MDN1: variants seen among roughly 807,000 people sequenced by gnomAD.
MDN1 encodes the protein midasin.
Under a neutral mutation model 669.2 loss-of-function variants are expected in MDN1, and 266 were observed. That is an observed-to-expected ratio of 0.40 (90% CI 0.36 to 0.44). MDN1 has a LOEUF of 0.44. MDN1 is among the 20% of genes least tolerant of loss of function. The probability of loss-of-function intolerance (pLI) is 1.00; values close to 1 mark genes in which losing one functional copy is unlikely to be tolerated. For missense variants in MDN1, 5,940 were observed against 6,754.0 expected (o/e 0.88, Z 4.22); for synonymous variants, 2,385 against 2,457.1 (o/e 0.97, Z 0.87).
rs753296500 is a variant in MDN1 at position 89,716,635 on chromosome 6, G to A, written c.6743+15C>T. The A allele has an allele frequency of 2.5e-6, 4 of 1,603,578 alleles. No individual in the cohort carries two copies. Among genetic ancestry groups the A allele is most frequent in the South Asian group, 2.3e-5 (2 of 88,748 alleles). On this transcript the variant is annotated intron_variant, in intron 44 of 101. Coordinates refer to ENST00000369393, the MANE Select transcript of MDN1 (RefSeq NM_014611.3). ...AATTTCAAGTTGGACCACTGATTAG[G>A]CATAAGGTTCTTACTTGCAGAAGTT...
intron 6 of MDN1, 60 bp from the exon 7 acceptor site, chr6:89,789,971 C>A: frequency 6.3e-7 from 1 of 1,593,412 alleles, no homozygotes; most frequent in South Asian, 1.1e-5. Context: ...AATGCTACAT[C>A]CTTTGATTAA....
intron 48 of MDN1, 114 bp from the exon 49 acceptor site, chr6:89,712,370 G>C: frequency 9.1e-7 from 1 of 1,101,662 alleles, no homozygotes; most frequent in Non-Finnish European, 1.3e-6. Context: ...GAGAGAAAAG[G>C]AGAGTCTCCC....
chr6:89,788,189 AC>A (rs1188765753), intron 7 of MDN1, among the ~76,000 whole-genome samples: 1 of 152,160 alleles, frequency 6.6e-6, no homozygotes. Flanking sequence ...ACCAAGCAAG[AC>A]ACAAGAATAC....
intron 40 of MDN1, among the ~76,000 whole-genome samples, chr6:89,720,674 T>C (rs1050568012): frequency 2.0e-5 from 3 of 152,208 alleles, no homozygotes; most frequent in Admixed American, 6.5e-5. Flanking sequence ...ATAATTAATA[T>C]ACTATAAGTG....
At chr6:89,672,913 A>C (rs1810921541) in intron 80 of MDN1, among the ~76,000 whole-genome samples, 1 of 152,260 alleles carries the variant, frequency 6.6e-6, no homozygotes, top group African/African-American at 2.4e-5. Context: ...TAATGTAAAA[A>C]ATATAAAAAT....
At chr6:89,747,599 A>G (rs1403578845) in intron 26 of MDN1, 129 bp from the exon 27 acceptor site, 5 of 1,163,632 alleles carry the variant, frequency 4.3e-6, no homozygotes, top group African/African-American at 1.6e-5. Flanking sequence ...ACTGAATAAG[A>G]TTAATTTTTT....
chr6:89,781,603 G>C lies in MDN1; in HGVS notation c.1450-11C>G. On this transcript the variant is annotated splice_polypyrimidine_tract_variant and intron_variant, in intron 9 of 101. Coordinates refer to ENST00000369393, the MANE Select transcript of MDN1 (RefSeq NM_014611.3). ...TCTGCTCTGAAGAACCTGACAGAGG[G>C]GGAAAAAAAAGAAAATTTAACAGCC... 1.3e-6 allele frequency: 2 copies of C among 1,541,412 alleles called. No individual in the cohort carries two copies. The highest frequency in any genetic ancestry group is 1.7e-6 in the Non-Finnish European group (2 of 1,144,446).
chr6:89,664,742 A>G lies in MDN1; in HGVS notation c.14095-114T>C, dbSNP rs1391353215. 4 of 798,520 alleles carry G rather than the reference A, an allele frequency of 5.0e-6. No individual in the cohort carries two copies. The African/African-American group carries it at 5.3e-5, about 11-fold the overall frequency. The allele number at this position is 798,520 out of a possible 1,614,324, so 49.5% of individuals were successfully genotyped here. A position where few individuals can be genotyped will look rare whatever the true frequency, so the allele number is the denominator to read the frequency against. ...AAAAATATATCTGGGAGAGGAAAAAAAAAGAGAAACAACAGAGACAGCCAC... is the reference window on the plus strand; with the variant it reads ...AAAAATATATCTGGGAGAGGAAAAAGAAAGAGAAACAACAGAGACAGCCAC... On this transcript the variant is annotated intron_variant, in intron 84 of 101. Coordinates refer to ENST00000369393, the MANE Select transcript of MDN1 (RefSeq NM_014611.3).
intron 63 of MDN1, among the ~76,000 whole-genome samples, chr6:89,691,817 G>T (rs1190974995): frequency 5.9e-5 from 9 of 152,124 alleles, no homozygotes; most frequent in Non-Finnish European, 5.9e-5. Context: ...CCCTGGTGGG[G>T]ATTAGAATCT....
At chr6:89,771,079 T>TAC (rs1056367092) in intron 15 of MDN1, among the ~76,000 whole-genome samples, 2 of 152,142 alleles carry the variant, frequency 1.3e-5, no homozygotes, top group African/African-American at 4.8e-5. Context: ...CAAAGCACCA[T>TAC]ACACACTGAT....
rs1816824670 is a variant in MDN1, at chr6:89,749,148, C to CT, written c.3762+74dup. On this transcript the variant is annotated intron_variant, in intron 26 of 101. Transcript: ENST00000369393. ...GGAAAAATACATCAACAGACAGATT[C>CT]TTTTTTCTAACAAAAGAAGCCATGA... 11 of 1,372,608 alleles carry CT rather than the reference C, an allele frequency of 8.0e-6. No individual in the cohort carries two copies. The South Asian group carries it at 1.4e-4, about 17-fold the overall frequency. 85.0% of individuals were successfully genotyped at this position (1,372,608 alleles called of 1,614,324 possible).
rs1240333780 is a variant in MDN1, at chr6:89,799,410, C to A, written c.329+3918G>T. ...TTAGAAATAGTAAAGTTGGGCCGGG[C>A]GCAGTGGCTCACGCCTGCAATCCCA... On this transcript the variant is annotated intron_variant, in intron 2 of 101. Coordinates refer to ENST00000369393, the MANE Select transcript of MDN1 (RefSeq NM_014611.3). 2.6e-5 allele frequency among the ~76,000 whole-genome samples: 4 copies of A among 152,348 alleles called. No individual in the cohort carries two copies. The South Asian group carries it at 6.2e-4, about 24-fold the overall frequency.
At chr6:89,739,455 G>C (rs945483165) in intron 32 of MDN1, among the ~76,000 whole-genome samples, 3 of 152,074 alleles carry the variant, frequency 2.0e-5, no homozygotes, top group African/African-American at 7.2e-5. Flanking sequence ...ATGATACTGA[G>C]GAAACCTAGG....
rs150442288 is a variant in MDN1, at chr6:89,772,704, G to A, written c.1952C>T (p.Ala651Val). 1.9e-6 allele frequency: 3 copies of A among 1,613,708 alleles called. No homozygotes were observed. Among genetic ancestry groups the A allele is most frequent in the Non-Finnish European group, 2.5e-6 (3 of 1,179,878 alleles). ...VHLQREKFTF[A>V]ATRPSSVLIE... ...GAGAACAGAGGACGGCCGTGTAGCA[G>A]CGAAAGTGAACTTCTCCCTGGGAAG... The change falls in exon 14 of 102, where the codon GCT (alanine) becomes GTT (valine). Residue 651 changes from alanine to valine, a missense_variant. Transcript: ENST00000369393.
At chr6:89,688,923 A>C in intron 65 of MDN1, 115 bp from the exon 66 acceptor site, 1 of 839,512 alleles carries the variant, frequency 1.2e-6, no homozygotes, top group South Asian at 1.7e-5. Context: ...TAATCCCAGC[A>C]CTTTGGGGAG....
chr6:89,675,604 T>C (rs1265247066), intron 77 of MDN1, 25 bp from the exon 78 acceptor site: 9 of 1,595,740 alleles, frequency 5.6e-6, no homozygotes, highest in Non-Finnish European at 7.7e-6. Context: ...AAAAACATGC[T>C]GAAGGGGCTG....
Position 89,661,432 on chromosome 6 carries a change from T to A in MDN1, c.14712A>T (p.Glu4904Asp). ...TCTCTTTGTTTCTGAAAGACGCACC[T>A]TCTCCTTCTTCATTGTCGGTGTCCT... ...GGEDTDNEEGEEENPLEIKEK... is the reference protein window; with the variant it reads ...GGEDTDNEEGDEENPLEIKEK... The change falls in exon 88 of 102, where the codon GAA becomes GAT. Residue 4904 changes from glutamate to aspartate, a missense_variant and splice_region_variant. Physicochemically the swap from Glu to Asp is conservative, Grantham distance 45. This residue lies in a region of MDN1 where 2,280 missense variants were observed against 2,576.3 expected (regional missense o/e 0.88). Transcript: ENST00000369393. The A allele has an allele frequency of 1.2e-6, 2 of 1,610,944 alleles. No individual in the cohort carries two copies. The highest frequency in any genetic ancestry group is 2.2e-5 in the South Asian group (2 of 90,246).
intron 40 of MDN1, among the ~76,000 whole-genome samples, chr6:89,722,028 C>A (rs1471701720): frequency 6.6e-6 from 1 of 152,164 alleles, no homozygotes; most frequent in Non-Finnish European, 1.5e-5. Flanking sequence ...GCTCTGCTAC[C>A]TGTGACACTC....
intron 73 of MDN1, among the ~76,000 whole-genome samples, chr6:89,681,181 T>C (rs751160654): frequency 4.9e-5 from 5 of 101,902 alleles, no homozygotes; most frequent in Non-Finnish European, 1.1e-4. Context: ...ATTTCTTTCC[T>C]TTTTTTTTTT....
Sources: gnomAD v4.1 joint callset for allele counts (sites outside exome capture counted in the v4.1 genomes callset) on GRCh38, gnomAD v4.1.1 for gene constraint, gnomAD v4.1.1 regional missense constraint, MANE v1.5 for transcripts, NCBI Gene and HGNC (gene_info 2026-07-23, HGNC 2026-07-21) for gene names.